The following DISC1 variants were observed in gnomAD, a reference collection of about 807,000 sequenced individuals.
DISC1 encodes disrupted in schizophrenia 1 protein.
DISC1 carries 57 observed loss-of-function variants against 84.5 expected under a neutral mutation model. That is an observed-to-expected ratio of 0.67 (90% CI 0.55 to 0.84). The LOEUF is 0.84. Ranked by LOEUF, DISC1 falls within the 40% of genes least tolerant of loss-of-function variation. DISC1 has a pLI of 0.00. For synonymous variants in DISC1, 411 were observed against 415.2 expected (o/e 0.99, Z 0.12); for missense variants, 1,000 against 1,057.8 (o/e 0.95, Z 0.76).
intron 9 of DISC1, among the ~76,000 whole-genome samples, chr1:231,869,630 C>T (rs2085311108): frequency 6.6e-6 from 1 of 151,748 alleles, no homozygotes; most frequent in Non-Finnish European, 1.5e-5. Context: ...GAGGAGGTGC[C>T]AGGCTCTCTA....
At chr1:231,823,132 A>G (rs1404232694) in intron 9 of DISC1, among the ~76,000 whole-genome samples, 1 of 152,204 alleles carries the variant, frequency 6.6e-6, no homozygotes, top group Non-Finnish European at 1.5e-5. Flanking sequence ...TTCACTTCAC[A>G]CCTATTAAGA....
At chr1:231,928,445 TTTC>T (rs1470561447) in intron 9 of DISC1, among the ~76,000 whole-genome samples, 1 of 152,178 alleles carries the variant, frequency 6.6e-6, no homozygotes, top group African/African-American at 2.4e-5. Context: ...TCTTCTCTCT[TTTC>T]TTCTTTATTA....
rs2076791396 is a variant in DISC1, at chr1:231,774,326, G to A, written c.1634+3256G>A. Among the ~76,000 whole-genome samples, 3 of 152,214 alleles carry A rather than the reference G, an allele frequency of 2.0e-5. No homozygotes were observed. The South Asian group carries it at 6.2e-4, about 32-fold the overall frequency. On this transcript the variant is annotated intron_variant, in intron 6 of 12. Transcript: ENST00000439617. The stretch of plus-strand genomic sequence containing the variant: ...AGGAATAAACCAGAGCAGTTAAAAG[G>A]TACAAAAAACCTGGACAATCTAATG...
intron 1 of DISC1, among the ~76,000 whole-genome samples, chr1:231,662,666 G>A (rs546947316): frequency 6.6e-6 from 1 of 152,314 alleles, no homozygotes; most frequent in South Asian, 2.1e-4. Flanking sequence ...CTGGAAACTC[G>A]GACCTATCTC....
chr1:232,002,638 C>CACACAG (rs1337275969), intron 10 of DISC1, among the ~76,000 whole-genome samples: 10 of 124,518 alleles, frequency 8.0e-5, no homozygotes, highest in Admixed American at 6.0e-4. Flanking sequence ...CACACACACA[C>CACACAG]AAAAGCCAAT....
intron 9 of DISC1, among the ~76,000 whole-genome samples, chr1:231,953,570 T>C (rs924652433): frequency 2.6e-5 from 4 of 152,234 alleles, no homozygotes; most frequent in Non-Finnish European, 5.9e-5. Context: ...CTCAGAGTTC[T>C]AAAATTTCTC....
chr1:231,872,285 T>C (rs1255440157), intron 9 of DISC1, among the ~76,000 whole-genome samples: 1 of 152,066 alleles, frequency 6.6e-6, no homozygotes, highest in Non-Finnish European at 1.5e-5. Flanking sequence ...ATCTTAGTAA[T>C]GAAAAAAAAT....
At chr1:231,772,364 AAGGACTGCAAGTGCTACGTGGGT>A (rs1447591248) in intron 6 of DISC1, among the ~76,000 whole-genome samples, 51 of 152,338 alleles carry the variant, frequency 3.3e-4, no homozygotes, top group Non-Finnish European at 6.5e-4. Flanking sequence ...GATGAGCAGT[AAGGACTGCAAGTGCTACGTGGGT>A]AGAGCCGGGA....
At chr1:231,836,721 T>C (rs1475354749) in intron 9 of DISC1, among the ~76,000 whole-genome samples, 1 of 152,142 alleles carries the variant, frequency 6.6e-6, no homozygotes, top group Non-Finnish European at 1.5e-5. Context: ...CACATTCACT[T>C]CCTACATTCC....
intron 7 of DISC1, among the ~76,000 whole-genome samples, chr1:231,798,619 C>G (rs1263335313): frequency 6.6e-6 from 1 of 152,152 alleles, no homozygotes; most frequent in African/African-American, 2.4e-5. Context: ...CAAACTAAGA[C>G]TTGGTGCTGG....
chr1:231,774,727 A>G (rs777286561), intron 6 of DISC1: 12 of 455,896 alleles, frequency 2.6e-5, no homozygotes, highest in Non-Finnish European at 4.4e-6. Context: ...GAGAAGGAAG[A>G]TATGTCTTTT....
chr1:231,965,108 A>G (rs934562684), intron 10 of DISC1, among the ~76,000 whole-genome samples: 3 of 152,244 alleles, frequency 2.0e-5, no homozygotes, highest in Non-Finnish European at 4.4e-5. Flanking sequence ...ATTCTCTATC[A>G]AGTATATCAA....
intron 9 of DISC1, among the ~76,000 whole-genome samples, chr1:231,901,733 ATT>A (rs2088196031): frequency 2.0e-5 from 3 of 152,130 alleles, no homozygotes; most frequent in Admixed American, 6.6e-5. Context: ...ACTGTACTTT[ATT>A]ATTATATATT....
chr1:231,885,765 G>A (rs2086634799), intron 9 of DISC1, among the ~76,000 whole-genome samples: 1 of 152,178 alleles, frequency 6.6e-6, no homozygotes, highest in Admixed American at 6.5e-5. Context: ...GGGAAAAGGG[G>A]AGGAGGCAGA....
intron 3 of DISC1, chr1:231,723,131 C>T: frequency 1.0e-6 from 1 of 952,540 alleles, no homozygotes; most frequent in Non-Finnish European, 1.3e-6. Flanking sequence ...GTCTTGTTTT[C>T]AGTGGATATG....
intron 10 of DISC1, among the ~76,000 whole-genome samples, chr1:231,979,590 TATA>T (rs1161668823): frequency 3.3e-5 from 5 of 150,976 alleles, no homozygotes; most frequent in East Asian, 1.9e-4. Flanking sequence ...ATATCCTCAG[TATA>T]ATGACATATA....
At chr1:231,950,381 A>G (rs1216887654) in intron 9 of DISC1, among the ~76,000 whole-genome samples, 2 of 152,208 alleles carry the variant, frequency 1.3e-5, no homozygotes, top group Non-Finnish European at 2.9e-5. Context: ...ATTAATCTCC[A>G]GGTCACAACT....
chr1:231,633,045 T>C (rs1572324820), intron 1 of DISC1, among the ~76,000 whole-genome samples: 1 of 152,222 alleles, frequency 6.6e-6, no homozygotes. Flanking sequence ...CACTCCAGCC[T>C]GGGCTACAGA....
rs187703530 is a variant in DISC1, at chr1:231,880,826, C to T, written c.1981+62309C>T. ...GTGGGTCAGCTCCTAAGGGATCCCT[C>T]AGACCAGCTGAGTCAGCCATTCCCT... On this transcript the variant is annotated intron_variant, in intron 9 of 12. Transcript: ENST00000439617. Among the ~76,000 whole-genome samples the T allele has an allele frequency of 8.0e-4, 121 of 152,164 alleles. 1 individual carries two copies. The highest frequency in any genetic ancestry group is 6.0e-4 in the Non-Finnish European group (41 of 68,008).
Sources: allele counts gnomAD v4.1 joint callset (sites outside exome capture counted in the v4.1 genomes callset), GRCh38; gene constraint gnomAD v4.1.1; transcripts MANE v1.5; gene names NCBI Gene and HGNC (gene_info 2026-07-23, HGNC 2026-07-21).